The following APBB2 variants were observed in gnomAD, a reference collection of about 807,000 sequenced individuals.
The protein encoded by APBB2 is amyloid beta precursor protein binding family B member 2.
APBB2 carries 38 observed loss-of-function variants against 82.5 expected under a neutral mutation model. The ratio of observed to expected loss-of-function variants is 0.46; its 90% CI spans 0.36 to 0.60. APBB2 has a LOEUF of 0.60. Among genes scored for constraint, APBB2 ranks in the 20% least tolerant of loss-of-function variants. APBB2 has a pLI of 0.00. For missense variants in APBB2, 772 were observed against 972.3 expected (o/e 0.79, Z 2.74); for synonymous variants, 341 against 368.2 (o/e 0.93, Z 0.85).
At chr4:41,051,671 G>C (rs571744220) in intron 4 of APBB2, among the ~76,000 whole-genome samples, 1 of 152,098 alleles carries the variant, frequency 6.6e-6, no homozygotes. Flanking sequence ...TAACCGTCCC[G>C]AAGGCCTACA....
At chr4:41,123,109 T>C (rs1054639641) in intron 2 of APBB2, among the ~76,000 whole-genome samples, 1 of 152,054 alleles carries the variant, frequency 6.6e-6, no homozygotes, top group African/African-American at 2.4e-5. Context: ...CAGCTCTCTC[T>C]CTCTCTCTCT....
At chr4:41,033,335 A>G in intron 4 of APBB2, 31 bp from the exon 5 acceptor site, 1 of 1,331,230 alleles carries the variant, frequency 7.5e-7, no homozygotes, top group Non-Finnish European at 1.0e-6. Flanking sequence ...GAGAAATTAA[A>G]ACTCCAAATA....
At chr4:40,857,123 A>C in intron 12 of APBB2, 1 of 985,422 alleles carries the variant, frequency 1.0e-6, no homozygotes, top group Non-Finnish European at 1.2e-6. Context: ...GCCGTCGCTC[A>C]AGCAGCCGCG....
At chr4:41,135,142 C>A in intron 2 of APBB2, among the ~76,000 whole-genome samples, 1 of 132,594 alleles carries the variant, frequency 7.5e-6, no homozygotes, top group Non-Finnish European at 1.6e-5. Flanking sequence ...AAAGCCACAG[C>A]AGTAACAAAC....
chr4:40,919,913 T>C (rs977685757), intron 10 of APBB2, among the ~76,000 whole-genome samples: 3 of 152,190 alleles, frequency 2.0e-5, no homozygotes, highest in Non-Finnish European at 4.4e-5. Flanking sequence ...TTGCTGACAG[T>C]AGGGGGCTAG....
chr4:40,971,931 G>A (rs911305826), intron 6 of APBB2, among the ~76,000 whole-genome samples: 1 of 152,100 alleles, frequency 6.6e-6, no homozygotes, highest in African/African-American at 2.4e-5. Context: ...CAACTTTAGC[G>A]CGTATCCTTA....
intron 1 of APBB2, among the ~76,000 whole-genome samples, chr4:41,181,568 T>C (rs373700659): frequency 1.9e-4 from 29 of 152,356 alleles, no homozygotes; most frequent in Admixed American, 1.4e-3. Context: ...TAATTCTATG[T>C]AAGCCTAACA....
chr4:40,861,267 T>C (rs1183697951), intron 12 of APBB2, among the ~76,000 whole-genome samples: 3 of 152,094 alleles, frequency 2.0e-5, no homozygotes, highest in Non-Finnish European at 4.4e-5. Context: ...GGAGAATCAC[T>C]TGAACTTGGG....
chr4:41,133,405 G>A (rs1034769102), intron 2 of APBB2, among the ~76,000 whole-genome samples: 6 of 152,104 alleles, frequency 3.9e-5, no homozygotes, highest in African/African-American at 1.4e-4. Context: ...CAACTGACCT[G>A]CTGTGCCTCA....
chr4:41,052,828 G>A (rs767056058), intron 4 of APBB2, among the ~76,000 whole-genome samples: 5 of 149,824 alleles, frequency 3.3e-5, no homozygotes, highest in Non-Finnish European at 7.4e-5. Flanking sequence ...GTGCAGTGGC[G>A]TGATCTCGGC....
At chr4:40,893,726 C>T (rs796140259) in intron 10 of APBB2, among the ~76,000 whole-genome samples, 9 of 152,298 alleles carry the variant, frequency 5.9e-5, no homozygotes, top group African/African-American at 1.4e-4. Context: ...GTAATCCCAG[C>T]ACTTTGGGAG....
chr4:41,021,306 C>T (rs768896490), intron 5 of APBB2, among the ~76,000 whole-genome samples: 31 of 152,202 alleles, frequency 2.0e-4, no homozygotes, highest in Non-Finnish European at 4.1e-4. Context: ...CAGTCATCAC[C>T]CAATTCCCAA....
chr4:40,911,471 C>T (rs769994993), intron 10 of APBB2, among the ~76,000 whole-genome samples: 9 of 152,130 alleles, frequency 5.9e-5, no homozygotes, highest in Admixed American at 2.0e-4. Context: ...TAAGCCATGC[C>T]TAGTGATATA....
In APBB2 at chr4:40,978,724, T is replaced by A. The variant is rs201494237; in HGVS notation, c.836-33651A>T. Among the ~76,000 whole-genome samples the A allele has an allele frequency of 5.9e-5, 9 of 152,152 alleles. No homozygotes were observed. The East Asian group carries it at 1.7e-3, about 29-fold the overall frequency. ...TTCCACAGTTCCTTGACCATATGAG[T>A]CATCATGAAAATTATGAAGATTTTA... On this transcript the variant is annotated intron_variant, in intron 6 of 17. Coordinates refer to ENST00000508593, the MANE Select transcript of APBB2 (RefSeq NM_004307.2).
intron 1 of APBB2, among the ~76,000 whole-genome samples, chr4:41,184,473 C>A (rs1224929728): frequency 6.6e-6 from 1 of 152,190 alleles, no homozygotes; most frequent in African/African-American, 2.4e-5. Flanking sequence ...TTTGCTCTAG[C>A]TCTTCCCTGG....
intron 4 of APBB2, among the ~76,000 whole-genome samples, chr4:41,044,655 T>C (rs774407771): frequency 1.7e-4 from 26 of 152,240 alleles, no homozygotes; most frequent in Non-Finnish European, 3.1e-4. Flanking sequence ...TTGAATACCT[T>C]AGGTATGACT....
chr4:41,027,404 T>TATATATATATAA (rs1426043208), intron 5 of APBB2, among the ~76,000 whole-genome samples: 39 of 130,538 alleles, frequency 3.0e-4, no homozygotes, highest in African/African-American at 7.5e-4. Context: ...TATATATATA[T>TATATATATATAA]AACATTTTCA....
At chr4:41,049,193 C>T (rs1724719360) in intron 4 of APBB2, among the ~76,000 whole-genome samples, 1 of 150,268 alleles carries the variant, frequency 6.7e-6, no homozygotes, top group Non-Finnish European at 1.5e-5. Flanking sequence ...CGCCTCTGCC[C>T]CGCCGCCCCG....
chr4:41,005,134 C>T (rs2154423901), intron 6 of APBB2, among the ~76,000 whole-genome samples: 1 of 152,154 alleles, frequency 6.6e-6, no homozygotes, highest in East Asian at 1.9e-4. Context: ...CTCTATTGCC[C>T]AGGCTGGAAT....
Sources: allele counts gnomAD v4.1 joint callset (sites outside exome capture counted in the v4.1 genomes callset), GRCh38; gene constraint gnomAD v4.1.1; transcripts MANE v1.5; gene names NCBI Gene and HGNC (gene_info 2026-07-23, HGNC 2026-07-21).